Variants in TAOK1 observed in about 807,000 individuals in gnomAD.
TAOK1 encodes TAO kinase 1, also known as serine/threonine-protein kinase TAO1.
A neutral mutation model predicts 138.3 loss-of-function variants in TAOK1; 21 were observed. That is an observed-to-expected ratio of 0.15 (90% CI 0.11 to 0.22). The LOEUF (loss-of-function observed/expected upper bound fraction) is 0.22, where lower values mean the gene tolerates loss of function less well. Among genes scored for constraint, TAOK1 ranks in the 10% least tolerant of loss-of-function variants. The pLI is 1.00. For synonymous variants in TAOK1, 361 were observed against 398.4 expected, an observed-to-expected ratio of 0.91 and a Z score of 1.12; for missense variants, 651 against 1,227.7, an observed-to-expected ratio of 0.53 and a Z score of 7.02.
intron 2 of TAOK1, among the ~76,000 whole-genome samples, chr17:29,465,837 C>CTTTTTTTTTT (rs3058623): frequency 0.013 from 580 of 45,418 alleles, 174 homozygotes; most frequent in Non-Finnish European, 0.015. Context: ...AGTTTCTGTG[C>CTTTTTTTTTT]TTTTTTTTTT....
intron 1 of TAOK1, among the ~76,000 whole-genome samples, chr17:29,436,203 C>T (rs1296465336): frequency 6.6e-6 from 1 of 152,120 alleles, no homozygotes; most frequent in Non-Finnish European, 1.5e-5. Context: ...AGACAGTTTT[C>T]AAATTTTAGA....
At chr17:29,451,776 G>A (rs886504777) in intron 2 of TAOK1, 96 bp downstream of exon 2, 6 of 1,412,414 alleles carry the variant, frequency 4.2e-6, no homozygotes, top group Non-Finnish European at 3.8e-6. Context: ...ATAGGCCATA[G>A]TCATTTTATA....
At chr17:29,405,253 G>A (rs968536560) in intron 1 of TAOK1, among the ~76,000 whole-genome samples, 3 of 152,184 alleles carry the variant, frequency 2.0e-5, no homozygotes, top group Non-Finnish European at 4.4e-5. Flanking sequence ...CTCCCAGAGT[G>A]CTGGGATTAC....
chr17:29,462,744 G>A (rs1177220358), intron 2 of TAOK1, among the ~76,000 whole-genome samples: 1 of 152,166 alleles, frequency 6.6e-6, no homozygotes, highest in Non-Finnish European at 1.5e-5. Context: ...TATTAAAATA[G>A]ATCCCAAATG....
At chr17:29,435,221 C>G (rs1905989305) in intron 1 of TAOK1, among the ~76,000 whole-genome samples, 1 of 152,148 alleles carries the variant, frequency 6.6e-6, no homozygotes, top group South Asian at 2.1e-4. Context: ...CTGGTTAGTT[C>G]ACAGGAACAA....
chr17:29,540,682 T>C (rs1415945582), intron 19 of TAOK1, among the ~76,000 whole-genome samples: 1 of 152,230 alleles, frequency 6.6e-6, no homozygotes, highest in East Asian at 1.9e-4. Flanking sequence ...GCGATTCTTC[T>C]GCTTCAGTCT....
At chr17:29,502,955 A>G (rs1256651287) in intron 13 of TAOK1, among the ~76,000 whole-genome samples, 1 of 152,228 alleles carries the variant, frequency 6.6e-6, no homozygotes, top group African/African-American at 2.4e-5. Context: ...AGAATATCTT[A>G]AATAAGATAA....
chr17:29,499,229 CTTT>C (rs57906502), intron 12 of TAOK1, among the ~76,000 whole-genome samples: 17 of 123,170 alleles, frequency 1.4e-4, no homozygotes, highest in Admixed American at 3.4e-4. Flanking sequence ...ATGTTTATAT[CTTT>C]TTTTTTTTTT....
chr17:29,514,003 C>T (rs1173018705), intron 15 of TAOK1: 1 of 151,946 alleles, frequency 6.6e-6, no homozygotes, highest in Non-Finnish European at 1.5e-5. Context: ...TGGCACACAA[C>T]TGTCATCCCA....
At chr17:29,437,193 A>G (rs1022476797) in intron 1 of TAOK1, among the ~76,000 whole-genome samples, 1 of 151,874 alleles carries the variant, frequency 6.6e-6, no homozygotes, top group Non-Finnish European at 1.5e-5. Context: ...CCTCCCAACT[A>G]GCTGGGACTA....
At chr17:29,494,237 G>A (rs1255425727) in intron 10 of TAOK1, among the ~76,000 whole-genome samples, 3 of 151,902 alleles carry the variant, frequency 2.0e-5, no homozygotes, top group Non-Finnish European at 4.4e-5. Flanking sequence ...TGTGAAAATT[G>A]AATAAAATAG....
At chr17:29,466,296 A>G (rs1244463480) in intron 2 of TAOK1, among the ~76,000 whole-genome samples, 2 of 151,874 alleles carry the variant, frequency 1.3e-5, no homozygotes, top group Non-Finnish European at 2.9e-5. Context: ...GGCGTGCACC[A>G]CTACACCTGG....
intron 1 of TAOK1, among the ~76,000 whole-genome samples, chr17:29,399,179 T>G (rs1187070452): frequency 6.6e-6 from 1 of 151,850 alleles, no homozygotes; most frequent in African/African-American, 2.4e-5. Flanking sequence ...GAGATGGGGT[T>G]TTGCCATGTT....
At chr17:29,488,487 G>A (rs1598503195) in intron 8 of TAOK1, among the ~76,000 whole-genome samples, 1 of 151,816 alleles carries the variant, frequency 6.6e-6, no homozygotes, top group Non-Finnish European at 1.5e-5. Flanking sequence ...GGAGAGAATC[G>A]CTTGAACCCG....
intron 18 of TAOK1, among the ~76,000 whole-genome samples, chr17:29,533,134 G>A (rs1375419919): frequency 6.7e-5 from 10 of 149,386 alleles, no homozygotes; most frequent in Middle Eastern, 3.8e-3. Flanking sequence ...GGCGGTTGCC[G>A]GGCAGAGACG....
chr17:29,422,881 C>T (rs1324498114), intron 1 of TAOK1, among the ~76,000 whole-genome samples: 4 of 152,016 alleles, frequency 2.6e-5, no homozygotes, highest in African/African-American at 7.2e-5. Flanking sequence ...AAAAATTAAC[C>T]GGGCGTGGTG....
chr17:29,509,394 G>A (rs565154110), intron 14 of TAOK1, among the ~76,000 whole-genome samples: 1 of 151,962 alleles, frequency 6.6e-6, no homozygotes, highest in Non-Finnish European at 1.5e-5. Flanking sequence ...TAGAAAAGGG[G>A]TTTCACCATG....
rs748595265 is a variant in TAOK1 at position 29,496,579 on chromosome 17, C to CTTT, written c.999+875_999+877dup. Among the ~76,000 whole-genome samples, 137 of 87,884 alleles carry CTTT rather than the reference C, an allele frequency of 1.6e-3. 4 individuals carry two copies. Among genetic ancestry groups the CTTT allele is most frequent in the South Asian group, 4.8e-3 (11 of 2,278 alleles). 57.7% of individuals were successfully genotyped at this position (87,884 alleles called of 152,430 possible). A position where few individuals can be genotyped will look rare whatever the true frequency, so the allele number is the denominator to read the frequency against. On this transcript the variant is annotated intron_variant, in intron 11 of 19. Coordinates refer to ENST00000261716, the MANE Select transcript of TAOK1 (RefSeq NM_020791.4). ...AAACTTGATTTCATTCCATCTACAC[C>CTTT]TTTTTTTTTTTTTTTTTTTTTTTTT...
At chr17:29,475,797 C>T (rs1317951172) in intron 4 of TAOK1, 26 bp downstream of exon 4, 3 of 1,556,134 alleles carry the variant, frequency 1.9e-6, no homozygotes, top group Non-Finnish European at 2.7e-6. Context: ...CCCCTTGTTG[C>T]AGTTTTAGCT....
Sources: allele counts gnomAD v4.1 joint callset (sites outside exome capture counted in the v4.1 genomes callset), GRCh38; gene constraint gnomAD v4.1.1; transcripts MANE v1.5; gene names NCBI Gene and HGNC (gene_info 2026-07-23, HGNC 2026-07-21).